The following ZNF112 variants were observed in gnomAD, a reference collection of about 807,000 sequenced individuals.
ZNF112 encodes the protein zinc finger protein 112.
ZNF112 carries 37 observed loss-of-function variants against 77.7 expected under a neutral mutation model. The observed-to-expected ratio is 0.48, with a 90% confidence interval of 0.37 to 0.63. The LOEUF is 0.63. Ranked by LOEUF, ZNF112 falls within the 20% of genes least tolerant of loss-of-function variation. The pLI, the probability that ZNF112 is intolerant of heterozygous loss-of-function variation, is 0.00. For missense variants in ZNF112, 950 were observed against 1,077.4 expected (o/e 0.88, Z 1.66); for synonymous variants, 333 against 363.6 (o/e 0.92, Z 0.96).
rs751755177 is a variant in ZNF112, at chr19:44,329,875, G to T, written c.282C>A (p.Pro94=). 16 of 1,613,774 alleles carry T rather than the reference G, an allele frequency of 9.9e-6. No homozygotes were observed. Among genetic ancestry groups the T allele is most frequent in the Non-Finnish European group, 1.4e-5 (16 of 1,179,964 alleles). The change falls in exon 4 of 4, where the codon CCC becomes CCA. Residue 94 remains proline (P), a synonymous_variant. Coordinates refer to ENST00000354340, the MANE Select transcript of ZNF112 (RefSeq NM_013380.4). Reference sequence around the variant, plus strand: ...AGGTCTGACGGGAGGAAAGCTCTTTGGGGGAAAAGTAGCTTACTGTTACTT... The same window carrying T: ...AGGTCTGACGGGAGGAAAGCTCTTTTGGGGAAAAGTAGCTTACTGTTACTT... The part of the protein sequence containing the change: ...IQEVTVSYFS[P]KELSSRQTWQ...
chr19:44,343,171 T>C, intron 1 of ZNF112: 1 of 1,476,474 alleles, frequency 6.8e-7, no homozygotes, highest in Admixed American at 1.9e-5. Context: ...TCTTTACCCT[T>C]GGCAAAGAAG....
chr19:44,341,395 A>C (rs1970486915), intron 1 of ZNF112, among the ~76,000 whole-genome samples: 2 of 152,196 alleles, frequency 1.3e-5, no homozygotes, highest in Admixed American at 1.3e-4. Context: ...TATCTCCTCA[A>C]AATAAATACC....
intron 1 of ZNF112, among the ~76,000 whole-genome samples, chr19:44,354,278 T>C (rs964398112): frequency 1.3e-5 from 2 of 152,170 alleles, no homozygotes; most frequent in Non-Finnish European, 2.9e-5. Context: ...GTTCTTTTTC[T>C]GACTACGGTA....
At chr19:44,335,765 G>C (rs1322516014) in intron 3 of ZNF112, among the ~76,000 whole-genome samples, 1 of 152,220 alleles carries the variant, frequency 6.6e-6, no homozygotes, top group African/African-American at 2.4e-5. Context: ...AACCAAGATG[G>C]AAACAAACCA....
Position 44,328,600 on chromosome 19 carries a change from G to A in ZNF112, c.1557C>T (p.Tyr519=), listed in dbSNP as rs772832133. The part of the protein sequence containing the change: ...HQRVHTGQKP[Y]KCNICGKGFN... ...AACCTTTGCCGCATATATTGCATTT[G>A]TATGGCTTCTGTCCAGTGTGGACTC... Residue 519 remains tyrosine, a synonymous_variant, in exon 4 of 4, where the codon TAC becomes TAT. Coordinates refer to ENST00000354340, the MANE Select transcript of ZNF112 (RefSeq NM_013380.4). 6.8e-6 allele frequency: 11 copies of A among 1,613,902 alleles called. No homozygotes were observed. The Admixed American group carries it at 1.8e-4, about 27-fold the overall frequency.
In ZNF112 at chr19:44,336,651, C is replaced by A. The variant is rs1402593826; in HGVS notation, c.192G>T (p.Glu64Asp). 1 of 1,614,048 alleles carries A rather than the reference C, an allele frequency of 6.2e-7. No homozygotes were observed. Among genetic ancestry groups the A allele is most frequent in the Admixed American group, 1.7e-5 (1 of 60,024 alleles). ...LEREEKLLMV[E>D]TETPRDGCSG... ...AACATCCATCTCTTGGGGTTTCTGT[C>A]TCCACCATCAAAAGCTTTTCTTCTC... Residue 64 changes from glutamate (E) to aspartate (D), a missense_variant, in exon 3 of 4, where the codon GAG becomes GAT. Coordinates refer to ENST00000354340, the MANE Select transcript of ZNF112 (RefSeq NM_013380.4).
intron 2 of ZNF112, among the ~76,000 whole-genome samples, chr19:44,337,856 C>A (rs905029295): frequency 1.1e-3 from 162 of 149,362 alleles, no homozygotes; most frequent in East Asian, 3.8e-3. Flanking sequence ...CACACACACA[C>A]ACACACACAC....
chr19:44,332,540 C>G (rs1003735990), intron 3 of ZNF112, among the ~76,000 whole-genome samples: 2 of 152,170 alleles, frequency 1.3e-5, no homozygotes, highest in African/African-American at 4.8e-5. Context: ...GAGCTTCCAG[C>G]TAGGGTTAAT....
intron 1 of ZNF112, among the ~76,000 whole-genome samples, chr19:44,363,694 T>C (rs1273518679): frequency 6.6e-6 from 1 of 152,250 alleles, no homozygotes; most frequent in Non-Finnish European, 1.5e-5. Flanking sequence ...ATTGTTTAAA[T>C]ATTTTTATGA....
At chr19:44,355,090 T>C (rs1156336937) in intron 1 of ZNF112, among the ~76,000 whole-genome samples, 1 of 151,626 alleles carries the variant, frequency 6.6e-6, no homozygotes, top group Non-Finnish European at 1.5e-5. Flanking sequence ...GACAGGGAGT[T>C]GATACAAGAC....
chr19:44,337,307 A>C (rs1970388003), intron 2 of ZNF112, among the ~76,000 whole-genome samples: 2 of 121,364 alleles, frequency 1.6e-5, no homozygotes, highest in African/African-American at 3.3e-5. Context: ...AAATATATAT[A>C]TATTTTGTAT....
At chr19:44,363,420 C>G (rs962573087) in intron 1 of ZNF112, among the ~76,000 whole-genome samples, 19 of 152,144 alleles carry the variant, frequency 1.2e-4, no homozygotes, top group African/African-American at 4.6e-4. Flanking sequence ...TAACATTACC[C>G]CACAAATTCC....
intron 1 of ZNF112, among the ~76,000 whole-genome samples, chr19:44,354,881 A>G (rs1201941300): frequency 2.0e-5 from 3 of 152,204 alleles, no homozygotes; most frequent in African/African-American, 7.2e-5. Flanking sequence ...TGCATCCCCT[A>G]GCTTCCTCAA....
At chr19:44,351,793 G>C (rs909844243) in intron 1 of ZNF112, among the ~76,000 whole-genome samples, 3 of 151,938 alleles carry the variant, frequency 2.0e-5, no homozygotes, top group Non-Finnish European at 4.4e-5. Flanking sequence ...AAGAACAAAA[G>C]AGAAAAGACA....
chr19:44,344,818 C>T (rs1726102322), intron 1 of ZNF112, among the ~76,000 whole-genome samples: 2 of 152,050 alleles, frequency 1.3e-5, no homozygotes, highest in South Asian at 4.1e-4. Context: ...ACTATTGAAA[C>T]AGAATGAGAG....
chr19:44,329,398 T>C lies in ZNF112; in HGVS notation c.759A>G (p.Pro253=). The C allele has an allele frequency of 1.2e-6, 2 of 1,614,070 alleles. No homozygotes were observed. The highest frequency in any genetic ancestry group is 2.2e-5 in the East Asian group (1 of 44,870). ...TGAAGGCTTTTCTATACCCAGTACA[T>C]GGATAGGGCTTCTCCTCTGTTTGAA... ...ESIQTEEKPY[P]CTGYRKAFSN... Residue 253 remains proline, a synonymous_variant, in exon 4 of 4, where the codon CCA becomes CCG. Transcript: ENST00000354340.
intron 3 of ZNF112, among the ~76,000 whole-genome samples, chr19:44,334,405 T>C (rs987521130): frequency 1.3e-5 from 2 of 152,204 alleles, no homozygotes; most frequent in Non-Finnish European, 2.9e-5. Context: ...AGCCTGATCA[T>C]GTGGTAGAAA....
Position 44,327,493 on chromosome 19 carries a change from A to G in ZNF112, c.2664T>C (p.Tyr888=). 2 of 1,613,882 alleles carry G rather than the reference A, an allele frequency of 1.2e-6. No homozygotes were observed. Among genetic ancestry groups the G allele is most frequent in the Non-Finnish European group, 1.7e-6 (2 of 1,179,890 alleles). The change falls in exon 4 of 4, where the codon TAT becomes TAC. Residue 888 remains tyrosine, a synonymous_variant. Transcript: ENST00000354340. ...SSDKFYKSED[Y]GKDYPSSENL... is the part of the protein sequence containing the mutation. The stretch of plus-strand genomic sequence containing the variant: ...TCTCTGATGAAGGGTAGTCCTTACC[A>G]TAGTCTTCGCTTTTATAGAATTTAT...
intron 3 of ZNF112, among the ~76,000 whole-genome samples, chr19:44,335,067 G>T (rs1009577433): frequency 6.6e-6 from 1 of 152,222 alleles, no homozygotes; most frequent in Non-Finnish European, 1.5e-5. Context: ...TAGCCAAGTG[G>T]GCTATACCCT....
Sources: gnomAD v4.1 joint callset for allele counts (sites outside exome capture counted in the v4.1 genomes callset) on GRCh38, gnomAD v4.1.1 for gene constraint, MANE v1.5 for transcripts, NCBI Gene and HGNC (gene_info 2026-07-23, HGNC 2026-07-21) for gene names.